The following NR3C1 variants were observed in gnomAD, a reference collection of about 807,000 sequenced individuals.
The protein encoded by NR3C1 is glucocorticoid receptor.
In NR3C1, 14 loss-of-function variants were observed where a neutral mutation model predicts 74.0. The ratio of observed to expected loss-of-function variants is 0.19; its 90% CI spans 0.12 to 0.30. NR3C1 has a LOEUF of 0.30. NR3C1 is among the 10% of genes least tolerant of loss of function. The pLI, the probability that NR3C1 is intolerant of heterozygous loss-of-function variation, is 1.00. For missense variants in NR3C1, 695 were observed against 909.8 expected, an observed-to-expected ratio of 0.76 and a Z score of 3.04; for synonymous variants, 308 against 332.5, an observed-to-expected ratio of 0.93 and a Z score of 0.80.
At chr5:143,311,357 G>C (rs1417182882) in intron 3 of NR3C1, among the ~76,000 whole-genome samples, 3 of 152,152 alleles carry the variant, frequency 2.0e-5, no homozygotes, top group Non-Finnish European at 4.4e-5. Context: ...CCAAAGTTTT[G>C]TTTATATCCA....
At chr5:143,351,572 CAA>C (rs964445274) in intron 2 of NR3C1, among the ~76,000 whole-genome samples, 2 of 151,994 alleles carry the variant, frequency 1.3e-5, no homozygotes, top group Non-Finnish European at 2.9e-5. Flanking sequence ...AAAACACAGA[CAA>C]TTGTCCCTTT....
chr5:143,364,432 T>C (rs2151831950), intron 2 of NR3C1, among the ~76,000 whole-genome samples: 1 of 152,292 alleles, frequency 6.6e-6, no homozygotes, highest in East Asian at 1.9e-4. Flanking sequence ...ATAACCCTAC[T>C]TTGCCTTTAG....
intron 1 of NR3C1, among the ~76,000 whole-genome samples, chr5:143,424,423 T>A (rs189812767): frequency 6.6e-6 from 1 of 152,232 alleles, no homozygotes; most frequent in Admixed American, 6.5e-5. Flanking sequence ...GATATCCCAG[T>A]TACCCTGATT....
intron 4 of NR3C1, among the ~76,000 whole-genome samples, chr5:143,309,751 C>T (rs563379539): frequency 6.6e-6 from 1 of 152,108 alleles, no homozygotes; most frequent in South Asian, 2.1e-4. Flanking sequence ...GATACAGAAA[C>T]ATTTCCAACC....
At chr5:143,357,295 T>G (rs1173825254) in intron 2 of NR3C1, among the ~76,000 whole-genome samples, 2 of 152,184 alleles carry the variant, frequency 1.3e-5, no homozygotes, top group African/African-American at 4.8e-5. Context: ...ATTTTTTAGA[T>G]AAATTTCTAG....
At chr5:143,396,488 G>A (rs955111239) in intron 2 of NR3C1, among the ~76,000 whole-genome samples, 4 of 151,868 alleles carry the variant, frequency 2.6e-5, no homozygotes, top group African/African-American at 9.6e-5. Context: ...GTAAATCACA[G>A]TCAAAACAAA....
intron 7 of NR3C1, among the ~76,000 whole-genome samples, chr5:143,285,966 TGATTAAAAA>T (rs1814336068): frequency 9.4e-6 from 1 of 106,664 alleles, no homozygotes; most frequent in Non-Finnish European, 2.2e-5. Context: ...TTAGCCAGAC[TGATTAAAAA>T]AAAAAAAAAA....
intron 2 of NR3C1, chr5:143,332,480 G>A (rs1826185002): frequency 3.7e-6 from 2 of 544,300 alleles, no homozygotes; most frequent in Admixed American, 3.5e-5. Flanking sequence ...TGAGTTGATA[G>A]GTACAGCAAA....
intron 2 of NR3C1, among the ~76,000 whole-genome samples, chr5:143,373,927 T>G (rs1171160954): frequency 6.6e-6 from 1 of 152,050 alleles, no homozygotes; most frequent in Non-Finnish European, 1.5e-5. Flanking sequence ...TAAAAAAAAT[T>G]TAAAAAATAT....
intron 2 of NR3C1, among the ~76,000 whole-genome samples, chr5:143,379,447 A>G (rs1415444139): frequency 6.6e-6 from 1 of 152,184 alleles, no homozygotes; most frequent in Non-Finnish European, 1.5e-5. Context: ...CCTTTCCACC[A>G]GAGGCAAGGT....
At chr5:143,397,717 CATT>C (rs906573197) in intron 2 of NR3C1, among the ~76,000 whole-genome samples, 2 of 151,866 alleles carry the variant, frequency 1.3e-5, no homozygotes, top group Non-Finnish European at 3.0e-5. Context: ...GCCGCATCAT[CATT>C]GCCTTGCCTA....
intron 2 of NR3C1, among the ~76,000 whole-genome samples, chr5:143,325,177 A>G (rs981955734): frequency 4.6e-5 from 7 of 152,188 alleles, no homozygotes; most frequent in Non-Finnish European, 8.8e-5. Context: ...GACACACCCA[A>G]AACTGGGAAC....
intron 2 of NR3C1, among the ~76,000 whole-genome samples, chr5:143,395,868 C>T (rs1839090194): frequency 6.6e-6 from 1 of 151,804 alleles, no homozygotes; most frequent in Non-Finnish European, 1.5e-5. Flanking sequence ...TTGATCCAAT[C>T]TTTCCTTCAC....
intron 2 of NR3C1, among the ~76,000 whole-genome samples, chr5:143,383,043 A>C (rs1836533549): frequency 6.6e-6 from 1 of 152,244 alleles, no homozygotes; most frequent in African/African-American, 2.4e-5. Flanking sequence ...TAAATGCTGA[A>C]TGAACGGAAA....
chr5:143,293,959 G>GTAAC, intron 7 of NR3C1: 4 of 982,580 alleles, frequency 4.1e-6, no homozygotes, highest in South Asian at 4.7e-5. Context: ...AGAATTTTAT[G>GTAAC]TAACTGCTTA....
At chr5:143,372,526 A>G (rs1461658055) in intron 2 of NR3C1, among the ~76,000 whole-genome samples, 1 of 152,228 alleles carries the variant, frequency 6.6e-6, no homozygotes, top group Non-Finnish European at 1.5e-5. Context: ...TTTTTCACTT[A>G]ATATTTTCAG....
chr5:143,281,959 T>A lies in NR3C1; in HGVS notation c.2264A>T (p.Glu755Val), dbSNP rs1219069553. ...TTTTGGTATCTGATTGGTGATGATT[T>A]CAGCTAACATCTCGGGGAATTCAAT... ...MSIEFPEMLA[E>V]IITNQIPKYS... Residue 755 changes from glutamate to valine, a missense_variant, in exon 9 of 9, where the codon GAA becomes GTA. Transcript: ENST00000394464. 6.2e-7 allele frequency: 1 copy of A among 1,613,546 alleles called. No individual in the cohort carries two copies.
intron 2 of NR3C1, among the ~76,000 whole-genome samples, chr5:143,319,638 G>A (rs1168077603): frequency 1.3e-5 from 2 of 152,108 alleles, no homozygotes; most frequent in African/African-American, 4.8e-5. Context: ...TCACGGTTGG[G>A]GAAATGCTAT....
intron 2 of NR3C1, among the ~76,000 whole-genome samples, chr5:143,344,498 G>A (rs1407702946): frequency 6.6e-6 from 1 of 152,134 alleles, no homozygotes; most frequent in Non-Finnish European, 1.5e-5. Context: ...CCCAAAGAAA[G>A]TCACACAACT....
Sources: gnomAD v4.1 joint callset for allele counts (sites outside exome capture counted in the v4.1 genomes callset) on GRCh38, gnomAD v4.1.1 for gene constraint, MANE v1.5 for transcripts, NCBI Gene and HGNC (gene_info 2026-07-23, HGNC 2026-07-21) for gene names.